DCHS2: variants seen among roughly 807,000 people sequenced by gnomAD.
DCHS2 encodes the protein dachsous cadherin-related 2.
In DCHS2, 142 loss-of-function variants were observed where a neutral mutation model predicts 182.4. The ratio of observed to expected loss-of-function variants is 0.78; its 90% CI spans 0.68 to 0.89. The LOEUF (loss-of-function observed/expected upper bound fraction) is 0.89, where lower values mean the gene tolerates loss of function less well. DCHS2 is among the 40% of genes least tolerant of loss of function. The probability of loss-of-function intolerance (pLI) is 0.00; values close to 1 mark genes in which losing one functional copy is unlikely to be tolerated. For missense variants in DCHS2, 4,319 were observed against 4,198.6 expected, an observed-to-expected ratio of 1.03 and a Z score of -0.79; for synonymous variants, 1,740 against 1,663.3, an observed-to-expected ratio of 1.05 and a Z score of -1.12.
intron 10 of DCHS2, among the ~76,000 whole-genome samples, chr4:154,306,999 T>C (rs1032629973): frequency 1.2e-4 from 19 of 152,210 alleles, no homozygotes; most frequent in Admixed American, 2.0e-4. Context: ...TAACAATACA[T>C]TAACCTTCAA....
intron 19 of DCHS2, 52 bp downstream of exon 19, chr4:154,239,118 T>TCTA: frequency 6.4e-7 from 1 of 1,573,898 alleles, no homozygotes; most frequent in Non-Finnish European, 8.6e-7. Flanking sequence ...ATTTCAGGTT[T>TCTA]CTACTTTGAA....
chr4:154,316,652 C>G (rs537375563), intron 9 of DCHS2, among the ~76,000 whole-genome samples: 1 of 152,056 alleles, frequency 6.6e-6, no homozygotes, highest in Admixed American at 6.6e-5. Flanking sequence ...GGCATGGTGG[C>G]GGGTGCCTGT....
chr4:154,251,574 A>T (rs1222288228), intron 16 of DCHS2, among the ~76,000 whole-genome samples: 1 of 152,080 alleles, frequency 6.6e-6, no homozygotes, highest in Non-Finnish European at 1.5e-5. Flanking sequence ...GCTGGAGTGC[A>T]GTGGTGCGAT....
At position 154,491,127 on chromosome 4, in the gene DCHS2, G is replaced by A; in HGVS notation, c.229C>T (p.Leu77Phe). The change falls in exon 1 of 20, where the codon CTT (leucine) becomes TTT (phenylalanine). Residue 77 changes from leucine (L) to phenylalanine (F), a missense_variant. By Grantham distance (22) the Leu-to-Phe change is conservative. Transcript: ENST00000357232. ...FNLTLSVDEG[L>F]PPDTLVGDIR... is the part of the protein sequence containing the mutation. ...TCACCTACCAGCGTGTCCGGGGGAAGCCCCTCATCTACGGAAAGGGTGAGG... is the reference window on the plus strand; with the variant it reads ...TCACCTACCAGCGTGTCCGGGGGAAACCCCTCATCTACGGAAAGGGTGAGG... 1 of 1,551,502 alleles carries A rather than the reference G, an allele frequency of 6.4e-7. No individual in the cohort carries two copies.
At chr4:154,429,632 T>G (rs972052408) in intron 1 of DCHS2, among the ~76,000 whole-genome samples, 3 of 152,120 alleles carry the variant, frequency 2.0e-5, no homozygotes, top group African/African-American at 7.2e-5. Flanking sequence ...CAAACCCTTA[T>G]TCTCATTTTC....
chr4:154,275,160 G>A (rs1733785535), intron 13 of DCHS2, among the ~76,000 whole-genome samples: 2 of 151,914 alleles, frequency 1.3e-5, no homozygotes, highest in Admixed American at 6.6e-5. Context: ...ACTCAAAAAT[G>A]CAGTGATCAC....
chr4:154,442,311 A>G (rs992211133), intron 1 of DCHS2, among the ~76,000 whole-genome samples: 5 of 151,956 alleles, frequency 3.3e-5, no homozygotes, highest in African/African-American at 1.2e-4. Context: ...TGTTGACCTC[A>G]ATTCCCATAA....
chr4:154,292,477 GC>G (rs1734712828), intron 13 of DCHS2, among the ~76,000 whole-genome samples: 1 of 152,124 alleles, frequency 6.6e-6, no homozygotes, highest in Admixed American at 6.6e-5. Flanking sequence ...CCTATAAGAA[GC>G]CACAGCTGAC....
rs1003232246 is a variant in DCHS2, at chr4:154,333,082, G to A, written c.3126C>T (p.Gly1042=). 6.2e-7 allele frequency: 1 copy of A among 1,613,984 alleles called. No homozygotes were observed. The highest frequency in any genetic ancestry group is 8.5e-7 in the Non-Finnish European group (1 of 1,179,958). The change falls in exon 5 of 20, where the codon GGC becomes GGT. Residue 1042 remains glycine, a synonymous_variant. Coordinates refer to ENST00000357232, the MANE Select transcript of DCHS2 (RefSeq NM_001358235.2). ...LGVLFLNGSL[G]AGEQRELTLT... The stretch of plus-strand genomic sequence containing the variant: ...GCGTGAGCTCCCGCTGCTCGCCCGC[G>A]CCCAGGCTGCCGTTGAGGAACAGCA...
In DCHS2 at chr4:154,483,660, T is replaced by C. The variant is rs145614155; in HGVS notation, c.2052+5644A>G. Among the ~76,000 whole-genome samples, 1,031 of 152,258 alleles carry C rather than the reference T, an allele frequency of 6.8e-3. 6 individuals are homozygous for C. Among genetic ancestry groups the C allele is most frequent in the Non-Finnish European group, 0.012 (786 of 68,010 alleles). On this transcript the variant is annotated intron_variant, in intron 1 of 19. Transcript: ENST00000357232. ...ACGAGTGCCTTAATGCCTGGGACTG[T>C]GGCATGGGAGGCTGAATATCTCAGA...
chr4:154,303,378 A>G (rs1275582123), intron 12 of DCHS2, among the ~76,000 whole-genome samples: 1 of 151,682 alleles, frequency 6.6e-6, no homozygotes, highest in East Asian at 1.9e-4. Context: ...TATTTAGGAT[A>G]TGCTGGGAAA....
At position 154,417,204 on chromosome 4, in the gene DCHS2, TGAGAGAGAGAGAGAGA is replaced by T. The variant is rs70947163; in HGVS notation, c.2053-39776_2053-39761del. ...GTGTGTGTGTGTGTGTGTGTGTGTG[TGAGAGAGAGAGAGAGA>T]GAGAGAGAGAGAGAGAGAGAGAGAG... is the stretch of plus-strand genomic sequence containing the variant. On this transcript the variant is annotated intron_variant, in intron 1 of 19. Transcript: ENST00000357232. Among the ~76,000 whole-genome samples, 234 of 39,484 alleles carry T rather than the reference TGAGAGAGAGAGAGAGA, an allele frequency of 5.9e-3. 2 individuals carry two copies. The highest frequency in any genetic ancestry group is 0.021 in the African/African-American group (219 of 10,622). The allele number at this position is 39,484 out of a possible 152,430, so 25.9% of individuals were successfully genotyped here.
chr4:154,435,933 G>T (rs1388087), intron 1 of DCHS2, among the ~76,000 whole-genome samples: 77,536 of 152,018 alleles, frequency 0.51, 20,926 homozygotes, highest in Middle Eastern at 0.67. Context: ...TGGAAAGTAG[G>T]ATAGCTAAGT....
intron 13 of DCHS2, among the ~76,000 whole-genome samples, chr4:154,286,253 T>C (rs1015732698): frequency 2.0e-5 from 3 of 151,938 alleles, no homozygotes; most frequent in African/African-American, 4.8e-5. Context: ...ACAACCTAGA[T>C]GGCAAAGACT....
intron 1 of DCHS2, among the ~76,000 whole-genome samples, chr4:154,416,353 C>G (rs1340963669): frequency 6.6e-6 from 1 of 152,328 alleles, no homozygotes; most frequent in East Asian, 1.9e-4. Context: ...GCCCCCACCT[C>G]GCATCCCAGG....
intron 13 of DCHS2, among the ~76,000 whole-genome samples, chr4:154,284,191 G>A (rs894835531): frequency 3.9e-5 from 6 of 152,106 alleles, no homozygotes; most frequent in Admixed American, 3.9e-4. Context: ...CATGAAAACA[G>A]CATTTTTATC....
rs372190171 is a variant in DCHS2 at position 154,377,241 on chromosome 4, A to T, written c.2244+12T>A. The T allele has an allele frequency of 1.2e-6, 2 of 1,611,500 alleles. No homozygotes were observed. Among genetic ancestry groups the T allele is most frequent in the Non-Finnish European group, 1.7e-6 (2 of 1,178,788 alleles). Reference sequence around the variant, plus strand: ...ATTATGTTTAAAATAAACTTCATACATAAAAACTTACCCCATCCTTAGCTT... The same window carrying T: ...ATTATGTTTAAAATAAACTTCATACTTAAAAACTTACCCCATCCTTAGCTT... On this transcript the variant is annotated intron_variant, in intron 2 of 19. Transcript: ENST00000357232.
intron 7 of DCHS2, among the ~76,000 whole-genome samples, chr4:154,325,206 C>T (rs912615447): frequency 6.6e-6 from 1 of 151,858 alleles, no homozygotes; most frequent in Non-Finnish European, 1.5e-5. Flanking sequence ...CGTAGAAAGT[C>T]ACTTTTATAA....
At chr4:154,291,241 T>C (rs1307206439) in intron 13 of DCHS2, among the ~76,000 whole-genome samples, 2 of 151,948 alleles carry the variant, frequency 1.3e-5, no homozygotes, top group Non-Finnish European at 2.9e-5. Flanking sequence ...TACAGTGAAA[T>C]ATCATCTCAT....
Sources: gnomAD v4.1 joint callset for allele counts (sites outside exome capture counted in the v4.1 genomes callset) on GRCh38, gnomAD v4.1.1 for gene constraint, MANE v1.5 for transcripts, NCBI Gene and HGNC (gene_info 2026-07-23, HGNC 2026-07-21) for gene names.